The following NOL9 variants were observed in gnomAD, a reference collection of about 807,000 sequenced individuals.
NOL9 encodes the protein polynucleotide 5'-hydroxyl-kinase NOL9.
A neutral mutation model predicts 67.9 loss-of-function variants in NOL9; 28 were observed. The ratio of observed to expected loss-of-function variants is 0.41; its 90% CI spans 0.31 to 0.57. NOL9 has a LOEUF of 0.57. NOL9 is among the 20% of genes least tolerant of loss of function. The pLI, the probability that NOL9 is intolerant of heterozygous loss-of-function variation, is 0.25. For missense variants in NOL9, 777 were observed against 897.0 expected (o/e 0.87, Z 1.71); for synonymous variants, 356 against 352.2 (o/e 1.01, Z -0.12).
chr1:6,549,755 C>CT, intron 2 of NOL9, 57 bp from the exon 3 acceptor site: 1 of 1,594,314 alleles, frequency 6.3e-7, no homozygotes, highest in Admixed American at 1.8e-5. Context: ...ATTCCACGCC[C>CT]TTTAGGACTG....
At chr1:6,527,204 G>A (rs1000633776) in intron 10 of NOL9, among the ~76,000 whole-genome samples, 4 of 150,478 alleles carry the variant, frequency 2.7e-5, no homozygotes, top group African/African-American at 4.9e-5. Context: ...CCGAGATGGC[G>A]CCACTGTACT....
In NOL9 at chr1:6,532,689, C is replaced by A; in HGVS notation, c.1309G>T (p.Asp437Tyr). Residue 437 changes from aspartate (D) to tyrosine (Y), a missense_variant, in exon 8 of 12, where the codon GAC becomes TAC. This residue lies in a region of NOL9 where 413 missense variants were observed against 552.6 expected (regional missense o/e 0.75). Transcript: ENST00000377705. The stretch of plus-strand genomic sequence containing the variant: ...AGGTCTGGCATATATTTACTGTGGT[C>A]AGAGCGGAACTGAACCACGTGGCTG... ...SPSHVVQFRS[D>Y]HSKYMPDLTP... The A allele has an allele frequency of 6.2e-7, 1 of 1,614,112 alleles. No individual in the cohort carries two copies. Among genetic ancestry groups the A allele is most frequent in the South Asian group, 1.1e-5 (1 of 91,054 alleles).
At position 6,524,913 on chromosome 1, in the gene NOL9, G is replaced by C. The variant is rs1437063703; in HGVS notation, c.*941C>G. On this transcript the variant is annotated 3_prime_UTR_variant, in exon 12 of 12. Transcript: ENST00000377705. ...CACCACCACGCCCAGCTAGTTTTTT[G>C]TATTTTTAGTAGAGACGGAGTTTCA... The C allele has an allele frequency of 6.6e-6, 1 of 151,818 alleles. No homozygotes were observed. The highest frequency in any genetic ancestry group is 1.5e-5 in the Non-Finnish European group (1 of 68,008). 9.4% of individuals were successfully genotyped at this position (151,818 alleles called of 1,614,324 possible).
intron 6 of NOL9, among the ~76,000 whole-genome samples, chr1:6,535,560 A>T (rs912043896): frequency 6.6e-6 from 1 of 152,218 alleles, no homozygotes; most frequent in Non-Finnish European, 1.5e-5. Context: ...CTGCTTATAC[A>T]TAGGGATATT....
Position 6,525,710 on chromosome 1 carries a change from A to G in NOL9, c.*144T>C, listed in dbSNP as rs896783462. The G allele has an allele frequency of 1.2e-6, 1 of 822,502 alleles. No individual in the cohort carries two copies. Among genetic ancestry groups the G allele is most frequent in the African/African-American group, 1.7e-5 (1 of 58,600 alleles). 51.0% of individuals were successfully genotyped at this position (822,502 alleles called of 1,614,324 possible). On this transcript the variant is annotated 3_prime_UTR_variant, in exon 12 of 12. Coordinates refer to ENST00000377705, the MANE Select transcript of NOL9 (RefSeq NM_024654.5). ...TAAAAGAGAAACTTAAGACTACTATATGACATTCACGAATTACACAAAAAA... is the reference window on the plus strand; with the variant it reads ...TAAAAGAGAAACTTAAGACTACTATGTGACATTCACGAATTACACAAAAAA...
chr1:6,534,806 T>C (rs1639112674), intron 6 of NOL9, among the ~76,000 whole-genome samples: 1 of 152,098 alleles, frequency 6.6e-6, no homozygotes, highest in Non-Finnish European at 1.5e-5. Context: ...TCTCTCTTTT[T>C]TCTTTTTATT....
intron 3 of NOL9, 66 bp downstream of exon 3, chr1:6,549,503 CAT>C (rs34630031): frequency 0.14 from 223,151 of 1,575,736 alleles, 17,032 homozygotes; most frequent in African/African-American, 0.29. Flanking sequence ...CAACATCCTA[CAT>C]AGTCATTTGA....
chr1:6,532,404 T>A lies in NOL9; in HGVS notation c.1535+59A>T, dbSNP rs994040248. 7 of 1,499,128 alleles carry A rather than the reference T, an allele frequency of 4.7e-6. No homozygotes were observed. In the Admixed American group the frequency reaches 1.3e-4, roughly 28 times the overall value. The allele number at this position is 1,499,128 out of a possible 1,614,324, so 92.9% of individuals were successfully genotyped here. Reference sequence around the variant, plus strand: ...CTCAGGCCTTTAGAGGAATTGAGAATGGCAGGTCTTTTTCGACGGAAGGAA... The same window carrying A: ...CTCAGGCCTTTAGAGGAATTGAGAAAGGCAGGTCTTTTTCGACGGAAGGAA... On this transcript the variant is annotated intron_variant, in intron 8 of 11. Coordinates refer to ENST00000377705, the MANE Select transcript of NOL9 (RefSeq NM_024654.5).
At chr1:6,529,510 C>A (rs1638972047) in intron 9 of NOL9, among the ~76,000 whole-genome samples, 1 of 152,038 alleles carries the variant, frequency 6.6e-6, no homozygotes, top group Admixed American at 6.6e-5. Flanking sequence ...ATCGCTTGAA[C>A]CTGGGAGGCG....
chr1:6,542,876 G>A (rs549001575), intron 5 of NOL9, among the ~76,000 whole-genome samples: 11 of 152,232 alleles, frequency 7.2e-5, no homozygotes, highest in African/African-American at 2.6e-4. Flanking sequence ...ACAGGCATGA[G>A]CTAACACTCA....
chr1:6,549,505 T>G (rs1570084707), intron 3 of NOL9, 66 bp downstream of exon 3: 1 of 1,165,906 alleles, frequency 8.6e-7, no homozygotes, highest in Non-Finnish European at 1.1e-6. Flanking sequence ...ACATCCTACA[T>G]AGTCATTTGA....
intron 10 of NOL9, 136 bp downstream of exon 10, chr1:6,528,858 C>A (rs1240590409): frequency 1.2e-5 from 9 of 722,644 alleles, no homozygotes; most frequent in Non-Finnish European, 2.0e-5. Context: ...GCCCCTAAGG[C>A]GTGCTATATA....
Position 6,525,504 on chromosome 1 carries a change from C to T in NOL9, c.*350G>A, listed in dbSNP as rs187311379. 110 of 243,664 alleles carry T rather than the reference C, an allele frequency of 4.5e-4. No homozygotes were observed. Among genetic ancestry groups the T allele is most frequent in the African/African-American group, 2.2e-3 (98 of 44,476 alleles). 15.1% of individuals were successfully genotyped at this position (243,664 alleles called of 1,614,324 possible). ...CGGCCTTCTTCCTTCCTTCTCGGTA[C>T]ATTGTAATGGCCCCAGTTTCCTTAT... On this transcript the variant is annotated 3_prime_UTR_variant, in exon 12 of 12. Coordinates refer to ENST00000377705, the MANE Select transcript of NOL9 (RefSeq NM_024654.5).
chr1:6,529,743 T>C (rs1198951106), intron 9 of NOL9, among the ~76,000 whole-genome samples: 3 of 151,996 alleles, frequency 2.0e-5, no homozygotes, highest in Non-Finnish European at 2.9e-5. Context: ...CTGGCCAACA[T>C]GGCGAAACCC....
At position 6,533,313 on chromosome 1, in the gene NOL9, G is replaced by C; in HGVS notation, c.1204C>G (p.Pro402Ala). Residue 402 changes from proline (P) to alanine (A), a missense_variant, in exon 7 of 12, where the codon CCT becomes GCT. Around this residue, in one of 2 missense-constraint regions of NOL9, gnomAD observed 413 missense variants for 552.6 expected, o/e 0.75. Coordinates refer to ENST00000377705, the MANE Select transcript of NOL9 (RefSeq NM_024654.5). ...YVFSAYKRES[P>A]LIVNTMGWVS... is the part of the protein sequence containing the mutation. ...CATCCCATAGTGTTGACGATGAGAG[G>C]GGACTCTCTCTTGTAAGCGCTGAAC... is the stretch of plus-strand genomic sequence containing the variant. 6.2e-7 allele frequency: 1 copy of C among 1,608,302 alleles called. No homozygotes were observed. Among genetic ancestry groups the C allele is most frequent in the Non-Finnish European group, 8.5e-7 (1 of 1,176,848 alleles).
At chr1:6,531,397 TAG>T (rs1307144606) in intron 9 of NOL9, among the ~76,000 whole-genome samples, 9 of 152,116 alleles carry the variant, frequency 5.9e-5, no homozygotes, top group African/African-American at 2.2e-4. Context: ...GTATTTTTAA[TAG>T]AGAGGGGGTT....
intron 3 of NOL9, among the ~76,000 whole-genome samples, chr1:6,547,746 T>G (rs1347886244): frequency 6.6e-6 from 1 of 151,960 alleles, no homozygotes; most frequent in Non-Finnish European, 1.5e-5. Flanking sequence ...CCCCAGCTAC[T>G]GAGAGGCCCC....
chr1:6,531,931 C>T (rs1405206558), intron 9 of NOL9, 37 bp downstream of exon 9: 4 of 1,541,338 alleles, frequency 2.6e-6, no homozygotes, highest in Non-Finnish European at 3.6e-6. Flanking sequence ...AAGTGTGTAA[C>T]AAAATGAAGA....
chr1:6,531,793 C>T (rs754039169), intron 9 of NOL9, among the ~76,000 whole-genome samples, 175 bp downstream of exon 9: 7 of 152,208 alleles, frequency 4.6e-5, no homozygotes, highest in Non-Finnish European at 7.3e-5. Flanking sequence ...AGCCTCTCTA[C>T]ACCTCAGGTT....
Sources: gnomAD v4.1 joint callset for allele counts (sites outside exome capture counted in the v4.1 genomes callset) on GRCh38, gnomAD v4.1.1 for gene constraint, gnomAD v4.1.1 regional missense constraint, MANE v1.5 for transcripts, NCBI Gene and HGNC (gene_info 2026-07-23, HGNC 2026-07-21) for gene names.